Variants in IQGAP2 observed in about 807,000 individuals in gnomAD.
The protein encoded by IQGAP2 is ras GTPase-activating-like protein IQGAP2.
In IQGAP2, 173 loss-of-function variants were observed where a neutral mutation model predicts 201.3. The ratio of observed to expected loss-of-function variants is 0.86; its 90% CI spans 0.76 to 0.98. The LOEUF (loss-of-function observed/expected upper bound fraction) is 0.98. IQGAP2 is among the 50% of genes least tolerant of loss of function. The pLI is 0.00. For missense variants in IQGAP2, 1,687 were observed against 1,864.8 expected (o/e 0.90, Z 1.76); for synonymous variants, 675 against 673.9 (o/e 1.00, Z -0.03).
intron 1 of IQGAP2, among the ~76,000 whole-genome samples, chr5:76,414,688 T>A (rs1253119874): frequency 6.6e-6 from 1 of 152,296 alleles, no homozygotes; most frequent in South Asian, 2.1e-4. Context: ...TATATAAAGA[T>A]AATTTTTTCC....
Position 76,419,685 on chromosome 5 carries a change from T to G in IQGAP2, c.46+16094T>G, listed in dbSNP as rs6879280. Among the ~76,000 whole-genome samples, 723 of 151,612 alleles carry G rather than the reference T, an allele frequency of 4.8e-3. 7 individuals are homozygous for G. Among genetic ancestry groups the G allele is most frequent in the Middle Eastern group, 0.014 (4 of 294 alleles). On this transcript the variant is annotated intron_variant, in intron 1 of 35. Transcript: ENST00000274364. ...TTTCTTTTCTTTTCTTTTTTTTTTT[T>G]TGTGTTTTAAACACTTTCAAGCTCT...
chr5:76,445,923 T>C (rs898426585), intron 1 of IQGAP2, among the ~76,000 whole-genome samples: 1 of 152,238 alleles, frequency 6.6e-6, no homozygotes, highest in East Asian at 1.9e-4. Context: ...GTACCTCATA[T>C]AGGTGGACTC....
intron 2 of IQGAP2, among the ~76,000 whole-genome samples, chr5:76,556,886 A>C (rs922528382): frequency 1.3e-5 from 2 of 152,270 alleles, no homozygotes; most frequent in African/African-American, 4.8e-5. Flanking sequence ...TAAGTTTCCT[A>C]TATCTTGCCT....
At chr5:76,563,754 CT>C (rs1168190330) in intron 3 of IQGAP2, among the ~76,000 whole-genome samples, 4 of 152,070 alleles carry the variant, frequency 2.6e-5, no homozygotes, top group Admixed American at 6.6e-5. Flanking sequence ...TATTTTTTAT[CT>C]GCAGATTTTC....
At chr5:76,536,962 G>A (rs1359593396) in intron 2 of IQGAP2, among the ~76,000 whole-genome samples, 1 of 152,186 alleles carries the variant, frequency 6.6e-6, no homozygotes, top group African/African-American at 2.4e-5. Context: ...GGGAAGAATA[G>A]TGGCTGTGGG....
In IQGAP2 at chr5:76,449,872, C is replaced by T. The variant is rs117704090; in HGVS notation, c.47-11698C>T. On this transcript the variant is annotated intron_variant, in intron 1 of 35. Transcript: ENST00000274364. ...ATCCAGTTCCCAGCCAAGAATTAAA[C>T]GCCTGGAGGAGATCAGTTATTTAAA... Among the ~76,000 whole-genome samples, 238 of 152,274 alleles carry T rather than the reference C, an allele frequency of 1.6e-3. 3 individuals carry two copies. Among genetic ancestry groups the T allele is most frequent in the East Asian group, 4.1e-3 (21 of 5,176 alleles).
chr5:76,502,301 G>T (rs1757322726), intron 2 of IQGAP2, among the ~76,000 whole-genome samples: 1 of 152,206 alleles, frequency 6.6e-6, no homozygotes, highest in Non-Finnish European at 1.5e-5. Flanking sequence ...TGGAAGTATG[G>T]CTGTTATTAA....
chr5:76,599,069 T>G (rs1747239137), intron 10 of IQGAP2, among the ~76,000 whole-genome samples: 1 of 152,198 alleles, frequency 6.6e-6, no homozygotes, highest in Non-Finnish European at 1.5e-5. Flanking sequence ...GCATTTGTTT[T>G]CTTATTCTTG....
chr5:76,557,811 T>A (rs1744049505), intron 2 of IQGAP2, among the ~76,000 whole-genome samples: 1 of 152,208 alleles, frequency 6.6e-6, no homozygotes, highest in Non-Finnish European at 1.5e-5. Context: ...ATTTATTTAT[T>A]TTTAATTTTT....
In IQGAP2 at chr5:76,695,596, G is replaced by A. The variant is rs767513992; in HGVS notation, c.4136G>A (p.Arg1379Gln). ...AAGAGGAAAATCCAGAGGAATCTTC[G>A]GACGTTGGAACAGACTGGACACGTG... ...QKKRKIQRNL[R>Q]TLEQTGHVSS... Residue 1379 changes from arginine (R) to glutamine (Q), a missense_variant, in exon 32 of 36, where the codon CGG (arginine) becomes CAG (glutamine). Coordinates refer to ENST00000274364, the MANE Select transcript of IQGAP2 (RefSeq NM_006633.5). 22 of 1,614,140 alleles carry A rather than the reference G, an allele frequency of 1.4e-5. No individual in the cohort carries two copies. The highest frequency in any genetic ancestry group is 6.7e-5 in the African/African-American group (5 of 75,036).
At chr5:76,555,620 TAGC>T (rs1350247110) in intron 2 of IQGAP2, among the ~76,000 whole-genome samples, 4 of 152,226 alleles carry the variant, frequency 2.6e-5, no homozygotes, top group Non-Finnish European at 4.4e-5. Context: ...AGGCTGGCAA[TAGC>T]AGTTTAATTC....
intron 2 of IQGAP2, among the ~76,000 whole-genome samples, chr5:76,503,367 G>T (rs2150171490): frequency 1.3e-5 from 2 of 151,594 alleles, no homozygotes; most frequent in Admixed American, 1.3e-4. Context: ...TAGAGATGGG[G>T]TTTCACCATG....
chr5:76,562,279 A>G, intron 2 of IQGAP2, 117 bp from the exon 3 acceptor site: 1 of 711,252 alleles, frequency 1.4e-6, no homozygotes, highest in Non-Finnish European at 2.3e-6. Flanking sequence ...ACACCGAAAG[A>G]TGTTTCAGAT....
At chr5:76,622,439 T>TATG (rs2150365773) in intron 13 of IQGAP2, among the ~76,000 whole-genome samples, 1 of 152,334 alleles carries the variant, frequency 6.6e-6, no homozygotes, top group South Asian at 2.1e-4. Context: ...TTTCCCTTGC[T>TATG]ATGTCCAGTC....
At position 76,545,574 on chromosome 5, in the gene IQGAP2, TGTAA is replaced by T. The variant is rs201662027; in HGVS notation, c.147-16818_147-16815del. Among the ~76,000 whole-genome samples the T allele has an allele frequency of 6.2e-3, 948 of 152,328 alleles. 17 individuals are homozygous for T. The highest frequency in any genetic ancestry group is 0.022 in the African/African-American group (910 of 41,576). ...TTCTTGCAATGGATCTTGTTTTGTG[TGTAA>T]GTATTTTTAATTTATGCAAATGGTA... On this transcript the variant is annotated intron_variant, in intron 2 of 35. Coordinates refer to ENST00000274364, the MANE Select transcript of IQGAP2 (RefSeq NM_006633.5).
chr5:76,475,229 A>G (rs1755346423), intron 2 of IQGAP2, among the ~76,000 whole-genome samples: 2 of 152,196 alleles, frequency 1.3e-5, no homozygotes, highest in African/African-American at 4.8e-5. Context: ...ATGAAAAAGC[A>G]GTAGTGCATC....
Position 76,707,335 on chromosome 5 carries a change from G to T in IQGAP2, c.*22G>T. 1 of 1,026,178 alleles carries T rather than the reference G, an allele frequency of 9.7e-7. No individual in the cohort carries two copies. 63.6% of individuals were successfully genotyped at this position (1,026,178 alleles called of 1,614,324 possible). On this transcript the variant is annotated 3_prime_UTR_variant, in exon 36 of 36. Coordinates refer to ENST00000274364, the MANE Select transcript of IQGAP2 (RefSeq NM_006633.5). ...GTGAAGTGCCTACAGAAATTTCTTG[G>T]ATTCTGTATCATCTGGATTAGGAAA...
chr5:76,563,243 G>A (rs561044035), intron 3 of IQGAP2, among the ~76,000 whole-genome samples: 1 of 152,036 alleles, frequency 6.6e-6, no homozygotes, highest in Admixed American at 6.5e-5. Flanking sequence ...GATAATAATA[G>A]CAAGAAGAAG....
chr5:76,696,341 T>G (rs572630073), intron 32 of IQGAP2, among the ~76,000 whole-genome samples: 3 of 152,228 alleles, frequency 2.0e-5, no homozygotes, highest in Non-Finnish European at 4.4e-5. Flanking sequence ...TTTAAGCAAT[T>G]TAGCCTAAAT....
Sources: gnomAD v4.1 joint callset for allele counts (sites outside exome capture counted in the v4.1 genomes callset) on GRCh38, gnomAD v4.1.1 for gene constraint, MANE v1.5 for transcripts, NCBI Gene and HGNC (gene_info 2026-07-23, HGNC 2026-07-21) for gene names.